The following CCDC18 variants were observed in gnomAD, a reference collection of about 807,000 sequenced individuals.
CCDC18 encodes the protein coiled-coil domain containing 18, also known as coiled-coil domain-containing protein 18.
In CCDC18, 157 loss-of-function variants were observed where a neutral mutation model predicts 196.0. The observed-to-expected ratio is 0.80, with a 90% CI of 0.70 to 0.91. The LOEUF (loss-of-function observed/expected upper bound fraction) is 0.91. CCDC18 is among the 40% of genes least tolerant of loss of function. The pLI is 0.00. For missense variants in CCDC18, 1,465 were observed against 1,611.6 expected (o/e 0.91, Z 1.56); for synonymous variants, 482 against 529.2 (o/e 0.91, Z 1.22).
At chr1:93,235,443 T>G (rs902459261) in intron 18 of CCDC18, among the ~76,000 whole-genome samples, 4 of 152,188 alleles carry the variant, frequency 2.6e-5, no homozygotes, top group African/African-American at 9.6e-5. Context: ...CCATTGGAAT[T>G]AGCAACTTGG....
chr1:93,191,195 C>A, intron 4 of CCDC18: 1 of 410,632 alleles, frequency 2.4e-6, no homozygotes, highest in Non-Finnish European at 4.5e-6. Context: ...TGGGGCTAAC[C>A]GTTTTATATT....
At position 93,270,739 on chromosome 1, in the gene CCDC18, G is replaced by A; in HGVS notation, c.4278G>A (p.Gly1426=). The A allele has an allele frequency of 9.7e-6, 15 of 1,549,412 alleles. No homozygotes were observed. The highest frequency in any genetic ancestry group is 1.3e-5 in the Non-Finnish European group (15 of 1,146,618). The change falls in exon 28 of 29, where the codon GGG becomes GGA. Residue 1426 remains glycine, a synonymous_variant. Transcript: ENST00000690025. ...ATAATGACTTTAACACGCTTAGTGG[G>A]ATGCTAAGATACATAAACAAAGAAG... ...SENNDFNTLS[G]MLRYINKEVR...
chr1:93,203,256 G>C (rs1308713311), intron 7 of CCDC18, among the ~76,000 whole-genome samples: 1 of 152,192 alleles, frequency 6.6e-6, no homozygotes, highest in Non-Finnish European at 1.5e-5. Context: ...TAGGTTGCTG[G>C]TTTGAGTGAC....
At chr1:93,263,941 G>T (rs1664153885) in intron 26 of CCDC18, among the ~76,000 whole-genome samples, 1 of 152,130 alleles carries the variant, frequency 6.6e-6, no homozygotes, top group Non-Finnish European at 1.5e-5. Context: ...GCTGTCGCTG[G>T]ATCTACCATT....
intron 6 of CCDC18, among the ~76,000 whole-genome samples, chr1:93,198,284 A>G (rs1260214601): frequency 6.6e-6 from 1 of 152,246 alleles, no homozygotes; most frequent in Admixed American, 6.5e-5. Context: ...ATAATTATAC[A>G]CATCAGTAAA....
At chr1:93,251,308 A>G (rs754938420) in intron 23 of CCDC18, among the ~76,000 whole-genome samples, 4 of 152,172 alleles carry the variant, frequency 2.6e-5, no homozygotes, top group Non-Finnish European at 5.9e-5. Context: ...ATCTCTGAAT[A>G]AATTGTTGTA....
rs1297833503 is a variant in CCDC18, at chr1:93,184,180, G to A, written c.303+34G>A. On this transcript the variant is annotated intron_variant, in intron 3 of 28. Transcript: ENST00000690025. Reference sequence around the variant, plus strand: ...TTTTAGACCTATCTAGTTAAAAGAAGTTTTGGTTTTAGGCCTGTCTACTTA... The same window carrying A: ...TTTTAGACCTATCTAGTTAAAAGAAATTTTGGTTTTAGGCCTGTCTACTTA... 3.9e-6 allele frequency: 5 copies of A among 1,297,322 alleles called. No homozygotes were observed. The South Asian group carries it at 7.5e-5, about 20-fold the overall frequency. The allele number at this position is 1,297,322 out of a possible 1,614,324, so 80.4% of individuals were successfully genotyped here. A position where few individuals can be genotyped will look rare whatever the true frequency, so the allele number is the denominator to read the frequency against.
At position 93,254,546 on chromosome 1, in the gene CCDC18, G is replaced by A; in HGVS notation, c.3274G>A (p.Glu1092Lys). 1 of 1,607,600 alleles carries A rather than the reference G, an allele frequency of 6.2e-7. No individual in the cohort carries two copies. Among genetic ancestry groups the A allele is most frequent in the Non-Finnish European group, 8.5e-7 (1 of 1,175,594 alleles). The change falls in exon 24 of 29, where the codon GAA (glutamate) becomes AAA (lysine). Residue 1092 changes from glutamate to lysine, a missense_variant. Transcript: ENST00000690025. ...REKEFIMLQNEQEISQLKKEI... is the reference protein window; with the variant it reads ...REKEFIMLQNKQEISQLKKEI... ...AAAAGAGTTTATAATGCTACAAAATGAACAGGAGATAAGTCAACTGAAAAA... is the reference window on the plus strand; with the variant it reads ...AAAAGAGTTTATAATGCTACAAAATAAACAGGAGATAAGTCAACTGAAAAA...
intron 28 of CCDC18, among the ~76,000 whole-genome samples, chr1:93,275,005 C>T (rs756688069): frequency 1.3e-5 from 2 of 152,146 alleles, no homozygotes; most frequent in African/African-American, 2.4e-5. Context: ...ACTCCTACAG[C>T]GCATGAGCCT....
At chr1:93,228,292 A>T (rs1415897513) in intron 17 of CCDC18, among the ~76,000 whole-genome samples, 3 of 152,266 alleles carry the variant, frequency 2.0e-5, no homozygotes, top group East Asian at 3.9e-4. Context: ...TCCAATAGGA[A>T]CTGGGGCAAT....
chr1:93,207,397 C>G lies in CCDC18; in HGVS notation c.1208C>G (p.Pro403Arg). The change falls in exon 9 of 29, where the codon CCA becomes CGA. Residue 403 changes from proline (P) to arginine (R), a missense_variant and splice_region_variant. Pro to Arg is a moderately radical substitution (Grantham distance 103). Coordinates refer to ENST00000690025, the MANE Select transcript of CCDC18 (RefSeq NM_001378204.1). ...TTGGAAAAGATTATATCCCAGTTGC[C>G]AGTAAGTATGTGTGATTACGTAATG... ...RSLEKIISQL[P>R]LKRELFGFKS... 6.3e-7 allele frequency: 1 copy of G among 1,582,590 alleles called. No individual in the cohort carries two copies. The highest frequency in any genetic ancestry group is 1.2e-5 in the South Asian group (1 of 85,622).
At chr1:93,191,907 A>G (rs1159137508) in intron 4 of CCDC18, 93 bp from the exon 5 acceptor site, 9 of 774,348 alleles carry the variant, frequency 1.2e-5, no homozygotes, top group Admixed American at 4.8e-5. Context: ...TGGGAGCCCT[A>G]TTGAACACCC....
At chr1:93,215,759 A>T (rs1267841045) in intron 12 of CCDC18, among the ~76,000 whole-genome samples, 1 of 152,162 alleles carries the variant, frequency 6.6e-6, no homozygotes, top group Non-Finnish European at 1.5e-5. Context: ...CCTAGCCGGA[A>T]TCTGTATTTT....
chr1:93,213,136 A>G (rs1201913244), intron 11 of CCDC18, among the ~76,000 whole-genome samples: 1 of 152,088 alleles, frequency 6.6e-6, no homozygotes. Flanking sequence ...GGGTGTAACT[A>G]CAGATGAAGC....
chr1:93,218,362 A>T (rs1656838650), intron 14 of CCDC18, among the ~76,000 whole-genome samples: 1 of 152,234 alleles, frequency 6.6e-6, no homozygotes, highest in Admixed American at 6.5e-5. Flanking sequence ...CATACCTATT[A>T]TAAAGCTTAA....
At chr1:93,213,333 A>G (rs1188914925) in intron 11 of CCDC18, among the ~76,000 whole-genome samples, 1 of 151,848 alleles carries the variant, frequency 6.6e-6, no homozygotes, top group Non-Finnish European at 1.5e-5. Flanking sequence ...TACCATCACC[A>G]CAGTCAAGAC....
intron 16 of CCDC18, among the ~76,000 whole-genome samples, chr1:93,222,620 G>T (rs943380704): frequency 6.6e-6 from 1 of 152,026 alleles, no homozygotes; most frequent in African/African-American, 2.4e-5. Context: ...GGCTTCAAGT[G>T]CTTACCCACT....
chr1:93,230,502 A>AAG (rs947209560), intron 17 of CCDC18, among the ~76,000 whole-genome samples: 2 of 151,928 alleles, frequency 1.3e-5, no homozygotes, highest in African/African-American at 4.8e-5. Flanking sequence ...AAAAAAAAAA[A>AAG]CAAAAAACTA....
intron 18 of CCDC18, among the ~76,000 whole-genome samples, chr1:93,232,939 C>A (rs1659468166): frequency 6.6e-6 from 1 of 152,224 alleles, no homozygotes; most frequent in Non-Finnish European, 1.5e-5. Context: ...CCCTTGCACT[C>A]CAGCCTGGGC....
Sources: allele counts gnomAD v4.1 joint callset (sites outside exome capture counted in the v4.1 genomes callset), GRCh38; gene constraint gnomAD v4.1.1; transcripts MANE v1.5; gene names NCBI Gene and HGNC (gene_info 2026-07-23, HGNC 2026-07-21).